Variants in SDK1 observed in about 807,000 individuals in gnomAD.
SDK1 encodes protein sidekick-1.
SDK1 carries 157 observed loss-of-function variants against 245.5 expected under a neutral mutation model. The observed-to-expected ratio is 0.64, with a 90% CI of 0.56 to 0.73. The LOEUF (loss-of-function observed/expected upper bound fraction) is 0.73. SDK1 is among the 30% of genes least tolerant of loss of function. The pLI is 0.00. For missense variants in SDK1, 3,583 were observed against 3,002.3 expected, an observed-to-expected ratio of 1.19 and a Z score of -4.52; for synonymous variants, 1,647 against 1,278.5, an observed-to-expected ratio of 1.29 and a Z score of -6.15.
At chr7:3,355,897 G>C (rs1780780553) in intron 1 of SDK1, among the ~76,000 whole-genome samples, 1 of 152,140 alleles carries the variant, frequency 6.6e-6, no homozygotes, top group Non-Finnish European at 1.5e-5. Flanking sequence ...TGATCCTGCT[G>C]TTTGTTCTTT....
At chr7:3,395,373 T>C (rs772949024) in intron 1 of SDK1, among the ~76,000 whole-genome samples, 1 of 151,940 alleles carries the variant, frequency 6.6e-6, no homozygotes, top group African/African-American at 2.4e-5. Context: ...TTCACTAATA[T>C]TTTATTGAGG....
chr7:4,050,729 A>G (rs982851732), intron 18 of SDK1, among the ~76,000 whole-genome samples: 4 of 151,884 alleles, frequency 2.6e-5, no homozygotes, highest in African/African-American at 9.7e-5. Flanking sequence ...TTGCTGTTGA[A>G]TCATGGATGT....
intron 1 of SDK1, among the ~76,000 whole-genome samples, chr7:3,540,057 C>G (rs374877798): frequency 1.3e-5 from 2 of 152,334 alleles, no homozygotes; most frequent in East Asian, 3.9e-4. Context: ...AAAAAAAACA[C>G]ATATGTGGAT....
intron 20 of SDK1, among the ~76,000 whole-genome samples, chr7:4,074,914 A>ATTTTTTTTT (rs1346494463): frequency 1.0e-4 from 8 of 77,072 alleles, no homozygotes; most frequent in African/African-American, 8.2e-4. Flanking sequence ...ATATATATAT[A>ATTTTTTTTT]TATTTTTTTT....
chr7:3,342,290 C>T (rs1264915406), intron 1 of SDK1, among the ~76,000 whole-genome samples: 1 of 151,900 alleles, frequency 6.6e-6, no homozygotes, highest in African/African-American at 2.4e-5. Context: ...AACTCTTAGG[C>T]AAAAAAGGAG....
chr7:3,802,412 G>A (rs1779129562), intron 4 of SDK1, among the ~76,000 whole-genome samples: 1 of 152,070 alleles, frequency 6.6e-6, no homozygotes, highest in South Asian at 2.1e-4. Context: ...GCACGCACCT[G>A]TAGTCCCAGC....
chr7:4,211,478 G>C (rs1171758530), intron 38 of SDK1, among the ~76,000 whole-genome samples: 1 of 152,146 alleles, frequency 6.6e-6, no homozygotes, highest in African/African-American at 2.4e-5. Flanking sequence ...ATTGAAGGTG[G>C]AGCTGGTGGG....
intron 4 of SDK1, among the ~76,000 whole-genome samples, chr7:3,666,338 C>G (rs1783531819): frequency 6.6e-6 from 1 of 152,224 alleles, no homozygotes; most frequent in East Asian, 1.9e-4. Context: ...CCCCAGGTCT[C>G]TTGTCATGGG....
chr7:4,004,758 T>C (rs1785332293), intron 14 of SDK1, among the ~76,000 whole-genome samples: 1 of 152,206 alleles, frequency 6.6e-6, no homozygotes, highest in Non-Finnish European at 1.5e-5. Flanking sequence ...TGATTACACC[T>C]AACAAAATTA....
chr7:3,591,594 C>T (rs1355553832), intron 1 of SDK1, among the ~76,000 whole-genome samples: 1 of 152,214 alleles, frequency 6.6e-6, no homozygotes. Context: ...GAACATGCGA[C>T]CAGTGCCTTT....
chr7:3,846,457 A>G (rs967800093), intron 5 of SDK1, among the ~76,000 whole-genome samples: 3 of 152,182 alleles, frequency 2.0e-5, no homozygotes, highest in African/African-American at 7.2e-5. Flanking sequence ...TGGCACATTC[A>G]TCTTGGATCC....
intron 5 of SDK1, among the ~76,000 whole-genome samples, chr7:3,896,446 A>G (rs1306062380): frequency 6.6e-6 from 1 of 152,138 alleles, no homozygotes; most frequent in African/African-American, 2.4e-5. Context: ...GCACAGATCA[A>G]CACTCAGCAA....
rs145808805 is a variant in SDK1 at position 4,178,576 on chromosome 7, C to A, written c.5088C>A (p.Val1696=). The A allele has an allele frequency of 3.7e-6, 6 of 1,610,570 alleles. No individual in the cohort carries two copies. The highest frequency in any genetic ancestry group is 2.2e-5 in the East Asian group (1 of 44,882). Reference sequence around the variant, plus strand: ...CCAGCGCGCCCGTGGAGGTCTTTGTCGGCGAGGCTGGTAAGCTCCGTGCAC... The same window carrying A: ...CCAGCGCGCCCGTGGAGGTCTTTGTAGGCGAGGCTGGTAAGCTCCGTGCAC... ...SPASAPVEVF[V]GEAAPAMAPQ... is the part of the protein sequence containing the mutation. Residue 1696 remains valine, a synonymous_variant, in exon 35 of 45, where the codon GTC becomes GTA. Transcript: ENST00000404826.
intron 1 of SDK1, among the ~76,000 whole-genome samples, chr7:3,429,633 A>G (rs12672806): frequency 0.18 from 26,587 of 147,182 alleles, 2,921 homozygotes; most frequent in East Asian, 0.43. Flanking sequence ...GTCTTGCTCT[A>G]TCACCCAGGC....
At chr7:3,946,760 A>G (rs1780593418) in intron 5 of SDK1, among the ~76,000 whole-genome samples, 1 of 152,304 alleles carries the variant, frequency 6.6e-6, no homozygotes, top group Non-Finnish European at 1.5e-5. Context: ...CCAAGAATGC[A>G]GCGGAGGAGA....
chr7:3,519,832 A>G (rs1782876483), intron 1 of SDK1, among the ~76,000 whole-genome samples: 1 of 152,154 alleles, frequency 6.6e-6, no homozygotes, highest in African/African-American at 2.4e-5. Flanking sequence ...CTAAACTTAT[A>G]AGAAGTATAA....
Position 4,156,234 on chromosome 7 carries a change from G to A in SDK1, c.4626-2214G>A, listed in dbSNP as rs74488257. Among the ~76,000 whole-genome samples the A allele has an allele frequency of 4.6e-3, 697 of 152,246 alleles. 6 individuals carry two copies. Among genetic ancestry groups the A allele is most frequent in the African/African-American group, 0.015 (631 of 41,560 alleles). ...AGCCAGTGGGGCTATGGTGGGTGGC[G>A]CAGGGGGAGGAGGCAGGGAGGTCGT... On this transcript the variant is annotated intron_variant, in intron 30 of 44. Coordinates refer to ENST00000404826, the MANE Select transcript of SDK1 (RefSeq NM_152744.4).
At chr7:4,079,404 C>G in intron 21 of SDK1, 59 bp from the exon 22 acceptor site, 13 of 1,586,932 alleles carry the variant, frequency 8.2e-6, no homozygotes, top group Non-Finnish European at 1.1e-5. Flanking sequence ...ACGTTTGATA[C>G]CTTTCCTAAG....
At chr7:4,248,695 C>T (rs1787081532) in intron 44 of SDK1, among the ~76,000 whole-genome samples, 1 of 152,052 alleles carries the variant, frequency 6.6e-6, no homozygotes, top group African/African-American at 2.4e-5. Context: ...CACACACATA[C>T]ATGCACACAT....
Sources: gnomAD v4.1 joint callset for allele counts (sites outside exome capture counted in the v4.1 genomes callset) on GRCh38, gnomAD v4.1.1 for gene constraint, MANE v1.5 for transcripts, NCBI Gene and HGNC (gene_info 2026-07-23, HGNC 2026-07-21) for gene names.